The following RPSA2 variants were observed in gnomAD, a reference collection of about 807,000 sequenced individuals.
RPSA2 encodes small ribosomal subunit protein uS2B.
At chr19:23,802,715 A>T in the RPSA2 span, among the ~76,000 whole-genome samples, 1 of 152,022 alleles carries the variant, frequency 6.6e-6, no homozygotes, top group South Asian at 2.1e-4. Flanking sequence ...ATTCCATTTC[A>T]TATAGTCATT....
At chr19:23,804,432 G>C in the RPSA2 span, among the ~76,000 whole-genome samples, 174 of 146,528 alleles carry the variant, frequency 1.2e-3, no homozygotes, top group Middle Eastern at 3.5e-3. Context: ...GAGTAGCTGG[G>C]ACTACAGGCA....
the RPSA2 span, chr19:23,827,329 G>A: frequency 8.0e-5 from 126 of 1,583,994 alleles, no homozygotes; most frequent in Non-Finnish European, 9.9e-5. Context: ...GGACCTGGGA[G>A]AAGCTTCTGC....
chr19:23,789,019 CTTTCTT>C, the RPSA2 span, among the ~76,000 whole-genome samples: 180 of 112,622 alleles, frequency 1.6e-3, 9 homozygotes, highest in African/African-American at 5.0e-3. Context: ...TTTTTTCTTT[CTTTCTT>C]TTTTTTTTTT....
chr19:23,842,530 GT>G, the RPSA2 span: 147,137 of 151,088 alleles, frequency 0.97, 71,658 homozygotes, highest in Middle Eastern at 1. Flanking sequence ...CTAAATATGT[GT>G]GTTTTTTTTT....
chr19:23,777,511 G>A, the RPSA2 span, among the ~76,000 whole-genome samples: 1 of 151,940 alleles, frequency 6.6e-6, no homozygotes, highest in Non-Finnish European at 1.5e-5. Flanking sequence ...GGAATATTAT[G>A]AGTATTGTGA....
At chr19:23,857,256 G>C in the RPSA2 span, among the ~76,000 whole-genome samples, 1 of 152,252 alleles carries the variant, frequency 6.6e-6, no homozygotes, top group South Asian at 2.1e-4. Context: ...ACAGGGTCCT[G>C]AGGTGACGTA....
chr19:23,811,339 G>C, the RPSA2 span, among the ~76,000 whole-genome samples: 4 of 151,986 alleles, frequency 2.6e-5, no homozygotes, highest in African/African-American at 4.8e-5. Context: ...TTTTGAGATG[G>C]GGTCTTGTTA....
At chr19:23,798,316 C>T in the RPSA2 span, among the ~76,000 whole-genome samples, 1 of 152,152 alleles carries the variant, frequency 6.6e-6, no homozygotes, top group Admixed American at 6.5e-5. Flanking sequence ...TGATTATTTA[C>T]AGGCTGAAGT....
At chr19:23,791,705 G>A in the RPSA2 span, among the ~76,000 whole-genome samples, 2 of 151,710 alleles carry the variant, frequency 1.3e-5, no homozygotes, top group Non-Finnish European at 1.5e-5. Context: ...TTGTCCTTGA[G>A]TGTACATTTT....
At chr19:23,826,820 G>A in the RPSA2 span, among the ~76,000 whole-genome samples, 1 of 151,922 alleles carries the variant, frequency 6.6e-6, no homozygotes, top group Non-Finnish European at 1.5e-5. Flanking sequence ...CGAGTAGCTG[G>A]GATTACAGGC....
chr19:23,850,100 G>A, the RPSA2 span, among the ~76,000 whole-genome samples: 6 of 151,800 alleles, frequency 4.0e-5, no homozygotes, highest in South Asian at 4.2e-4. Flanking sequence ...ATGCAGTGCC[G>A]CCTTCTCCTG....
At chr19:23,790,039 G>T in the RPSA2 span, among the ~76,000 whole-genome samples, 3 of 151,540 alleles carry the variant, frequency 2.0e-5, no homozygotes. Context: ...TTGCTCTGTT[G>T]CCCAGGCTGG....
At chr19:23,761,932 T>TCCTTCCTTCCTTCCTTCC in the RPSA2 span, among the ~76,000 whole-genome samples, 11 of 53,052 alleles carry the variant, frequency 2.1e-4, no homozygotes, top group Admixed American at 8.3e-4. Context: ...TTTTTTTTTT[T>TCCTTCCTTCCTTCCTTCC]TTTGAGATGG....
the RPSA2 span, chr19:23,832,542 A>G: frequency 6.3e-6 from 5 of 795,762 alleles, no homozygotes; most frequent in Non-Finnish European, 9.3e-6. Context: ...CATACTGAAA[A>G]GAAACCCTAC....
At chr19:23,766,138 ATTTCCTTTTTTTTTTTTTT>A in the RPSA2 span, among the ~76,000 whole-genome samples, 1 of 58,796 alleles carries the variant, frequency 1.7e-5, no homozygotes, top group East Asian at 4.9e-4. Flanking sequence ...CGGATATTTC[ATTTCCTTTTTTTTTTTTTT>A]TTTTTTTTTT....
the RPSA2 span, among the ~76,000 whole-genome samples, chr19:23,840,643 A>G: frequency 6.6e-6 from 1 of 152,164 alleles, no homozygotes; most frequent in Non-Finnish European, 1.5e-5. Context: ...AAGAGAGAGT[A>G]TTTAGATACA....
chr19:23,783,199 A>G, the RPSA2 span, among the ~76,000 whole-genome samples: 1 of 151,934 alleles, frequency 6.6e-6, no homozygotes, highest in South Asian at 2.1e-4. Context: ...AGGTTCAAGC[A>G]ATTCTCTTGG....
chr19:23,865,487 A>G, the RPSA2 span, among the ~76,000 whole-genome samples: 2 of 152,154 alleles, frequency 1.3e-5, no homozygotes, highest in African/African-American at 4.8e-5. Context: ...TTTGGTTCGC[A>G]TGGTCCTACT....
chr19:23,825,137 G>A, the RPSA2 span, among the ~76,000 whole-genome samples: 12 of 151,862 alleles, frequency 7.9e-5, no homozygotes, highest in African/African-American at 2.2e-4. Context: ...CCGCCACCAC[G>A]CCCAGCTATT....
Sources: gnomAD v4.1 joint callset for allele counts (sites outside exome capture counted in the v4.1 genomes callset) on GRCh38, gnomAD v4.1.1 for gene constraint, MANE v1.5 for transcripts, NCBI Gene and HGNC (gene_info 2026-07-23, HGNC 2026-07-21) for gene names.